DNAH7: variants seen among roughly 807,000 people sequenced by gnomAD.
The protein encoded by DNAH7 is dynein axonemal heavy chain 7, also known as axonemal beta dynein heavy chain 7.
Under a neutral mutation model 444.6 loss-of-function variants are expected in DNAH7, and 397 were observed. That is an observed-to-expected ratio of 0.89 (90% CI 0.82 to 0.97). The LOEUF (loss-of-function observed/expected upper bound fraction) is 0.97. DNAH7 is among the 50% of genes least tolerant of loss of function. DNAH7 has a pLI of 0.00. For synonymous variants in DNAH7, 1,636 were observed against 1,624.4 expected (o/e 1.01, Z -0.17); for missense variants, 4,902 against 4,800.8 (o/e 1.02, Z -0.62).
At chr2:195,918,730 C>T (rs1687837920) in intron 24 of DNAH7, among the ~76,000 whole-genome samples, 1 of 152,024 alleles carries the variant, frequency 6.6e-6, no homozygotes, top group Non-Finnish European at 1.5e-5. Context: ...CAGTGGTCGA[C>T]AGGGGTTCTG....
intron 24 of DNAH7, among the ~76,000 whole-genome samples, chr2:195,914,959 G>C (rs1157707775): frequency 2.0e-5 from 3 of 152,116 alleles, no homozygotes; most frequent in Non-Finnish European, 2.9e-5. Flanking sequence ...ACCATACCTG[G>C]CCAAAACATT....
Position 195,853,379 on chromosome 2 carries a change from A to G in DNAH7, c.8745T>C (p.Val2915=), listed in dbSNP as rs1699503304. The part of the protein sequence containing the change: ...TGDILISSGV[V]AYLGAFTSTY... ...TGGATGTGAAGGCTCCGAGGTAAGC[A>G]ACCACTCCGGAGGAAATGAGGATAT... The change falls in exon 46 of 65, where the codon GTT becomes GTC. Residue 2915 remains valine, a synonymous_variant. Transcript: ENST00000312428. 1 of 1,613,938 alleles carries G rather than the reference A, an allele frequency of 6.2e-7. No homozygotes were observed. Among genetic ancestry groups the G allele is most frequent in the Non-Finnish European group, 8.5e-7 (1 of 1,179,988 alleles).
chr2:195,858,777 A>C lies in DNAH7; in HGVS notation c.7764T>G (p.Tyr2588Ter). The C allele has an allele frequency of 3.1e-6, 5 of 1,609,328 alleles. No homozygotes were observed. The highest frequency in any genetic ancestry group is 4.2e-6 in the Non-Finnish European group (5 of 1,177,964). ...RSEVMKMKKR[Y>*]EVGLEKLDSA... ...AATCCAGTTTCTCCAAACCCACTTCATATCTCTTTTTCATTTTCATTACTT... is the reference window on the plus strand; with the variant it reads ...AATCCAGTTTCTCCAAACCCACTTCCTATCTCTTTTTCATTTTCATTACTT... Residue 2588 changes from tyrosine to a stop codon, truncating the protein, a stop_gained, in exon 43 of 65, where the codon TAT (tyrosine) becomes TAG (stop). Transcript: ENST00000312428. LOFTEE classifies it high-confidence loss of function.
intron 15 of DNAH7, among the ~76,000 whole-genome samples, chr2:195,972,908 A>G (rs1395860358): frequency 6.6e-6 from 1 of 152,192 alleles, no homozygotes; most frequent in Non-Finnish European, 1.5e-5. Flanking sequence ...TTACCCAAAT[A>G]ACCACCAGAA....
intron 19 of DNAH7, among the ~76,000 whole-genome samples, chr2:195,946,567 C>G (rs1438139125): frequency 6.6e-6 from 1 of 152,176 alleles, no homozygotes; most frequent in Non-Finnish European, 1.5e-5. Flanking sequence ...ACAGGGCCTT[C>G]ACATCACTGA....
At chr2:195,967,035 C>CCT (rs1691526014) in intron 17 of DNAH7, among the ~76,000 whole-genome samples, 1 of 151,974 alleles carries the variant, frequency 6.6e-6, no homozygotes, top group African/African-American at 2.4e-5. Context: ...CTCTTGCTTT[C>CCT]CTTCCTTCCT....
chr2:196,011,427 T>G (rs1248790074), intron 10 of DNAH7, among the ~76,000 whole-genome samples: 2 of 152,014 alleles, frequency 1.3e-5, no homozygotes, highest in Non-Finnish European at 2.9e-5. Context: ...GGAACCCTAC[T>G]TGTAGGGAAT....
At chr2:196,014,993 C>T (rs1051443876) in intron 9 of DNAH7, among the ~76,000 whole-genome samples, 1 of 152,010 alleles carries the variant, frequency 6.6e-6, no homozygotes, top group African/African-American at 2.4e-5. Context: ...TGGCTTGTTT[C>T]CAGTCTCTTA....
intron 61 of DNAH7, among the ~76,000 whole-genome samples, chr2:195,758,833 A>C (rs1694207241): frequency 2.0e-5 from 3 of 152,360 alleles, no homozygotes; most frequent in African/African-American, 7.2e-5. Context: ...CTGTGAAAGA[A>C]GCATTTAGAC....
rs1696338913 is a variant in DNAH7, at chr2:195,799,394, TGG to T, written c.10253_10254del (p.Ala3418GlufsTer7). On this transcript the variant is annotated frameshift_variant, in exon 55 of 65. Transcript: ENST00000312428. LOFTEE classifies it high-confidence loss of function. ...AFIEPPPFDL[A>X]KAFGDSNCCA... ...CAGCAGTTACTGTCTCCAAATGCCTTGGCTAAATCAAAGGGGGGTGGTTCAAT... is the reference window on the plus strand; with the variant it reads ...CAGCAGTTACTGTCTCCAAATGCCTTCTAAATCAAAGGGGGGTGGTTCAAT... 3 of 1,611,926 alleles carry T rather than the reference TGG, an allele frequency of 1.9e-6. No individual in the cohort carries two copies. Among genetic ancestry groups the T allele is most frequent in the Non-Finnish European group, 2.5e-6 (3 of 1,178,962 alleles).
chr2:196,043,088 A>T (rs965364658), intron 5 of DNAH7, among the ~76,000 whole-genome samples: 2 of 152,156 alleles, frequency 1.3e-5, no homozygotes, highest in Non-Finnish European at 2.9e-5. Context: ...GGGCAAGTGG[A>T]AGCTTTTGTG....
At chr2:196,016,221 T>C (rs1379634381) in intron 9 of DNAH7, among the ~76,000 whole-genome samples, 1 of 152,176 alleles carries the variant, frequency 6.6e-6, no homozygotes, top group Non-Finnish European at 1.5e-5. Context: ...GCTCAGTGTG[T>C]TCTGAAAGTG....
At chr2:195,965,781 C>T (rs1257078626) in intron 17 of DNAH7, among the ~76,000 whole-genome samples, 1 of 152,004 alleles carries the variant, frequency 6.6e-6, no homozygotes, top group Non-Finnish European at 1.5e-5. Flanking sequence ...CACTATTGAG[C>T]CTTAGAGTTT....
At chr2:196,063,345 G>A (rs1698240577) in intron 1 of DNAH7, 1 of 152,178 alleles carries the variant, frequency 6.6e-6, no homozygotes, top group Non-Finnish European at 1.5e-5. Context: ...TCAACATATT[G>A]GGTATCAGGG....
intron 8 of DNAH7, among the ~76,000 whole-genome samples, chr2:196,020,767 T>C (rs985471462): frequency 2.6e-5 from 4 of 152,098 alleles, no homozygotes; most frequent in African/African-American, 7.2e-5. Flanking sequence ...CACGCCACCA[T>C]GCCCAGCTAA....
chr2:195,799,484 C>A lies in DNAH7; in HGVS notation c.10177-12G>T, dbSNP rs1696345847. 1 of 1,567,772 alleles carries A rather than the reference C, an allele frequency of 6.4e-7. No homozygotes were observed. Among genetic ancestry groups the A allele is most frequent in the Non-Finnish European group, 8.6e-7 (1 of 1,158,424 alleles). On this transcript the variant is annotated splice_polypyrimidine_tract_variant and intron_variant, in intron 54 of 64. Coordinates refer to ENST00000312428, the MANE Select transcript of DNAH7 (RefSeq NM_018897.3). The stretch of plus-strand genomic sequence containing the variant: ...AACATTGGAATAACCTAGAAAGAGA[C>A]AAGGATATAGTTGGAAGAATATTCA...
intron 2 of DNAH7, among the ~76,000 whole-genome samples, chr2:196,057,379 C>T (rs912490399): frequency 1.3e-5 from 2 of 152,042 alleles, no homozygotes; most frequent in African/African-American, 4.8e-5. Context: ...AAAGCTAATA[C>T]CTTTTTTCAA....
intron 63 of DNAH7, among the ~76,000 whole-genome samples, chr2:195,749,779 C>G (rs556618260): frequency 7.1e-6 from 1 of 141,456 alleles, no homozygotes; most frequent in Admixed American, 8.1e-5. Context: ...GGGAATTGAA[C>G]AATGAGGACA....
At chr2:195,982,123 A>T (rs1692615534) in intron 15 of DNAH7, among the ~76,000 whole-genome samples, 1 of 152,200 alleles carries the variant, frequency 6.6e-6, no homozygotes, top group Non-Finnish European at 1.5e-5. Context: ...AGGAGCTCAA[A>T]CAACTCTATA....
Sources: allele counts gnomAD v4.1 joint callset (sites outside exome capture counted in the v4.1 genomes callset), GRCh38; gene constraint gnomAD v4.1.1; transcripts MANE v1.5; gene names NCBI Gene and HGNC (gene_info 2026-07-23, HGNC 2026-07-21).